RELB: variants seen among roughly 807,000 people sequenced by gnomAD.
The protein encoded by RELB is RELB proto-oncogene, NF-kB subunit, also known as transcription factor RelB.
Under a neutral mutation model 55.4 loss-of-function variants are expected in RELB, and 14 were observed. The ratio of observed to expected loss-of-function variants is 0.25; its 90% CI spans 0.17 to 0.40. The LOEUF (loss-of-function observed/expected upper bound fraction) is 0.40. Among genes scored for constraint, RELB ranks in the 10% least tolerant of loss-of-function variants. The pLI, the probability that RELB is intolerant of heterozygous loss-of-function variation, is 1.00. For synonymous variants in RELB, 409 were observed against 371.3 expected, an observed-to-expected ratio of 1.10 and a Z score of -1.17; for missense variants, 669 against 830.7, an observed-to-expected ratio of 0.81 and a Z score of 2.39.
intron 4 of RELB, among the ~76,000 whole-genome samples, chr19:45,014,239 G>A (rs116518981): frequency 0.1 from 15,160 of 147,830 alleles, 1,028 homozygotes; most frequent in East Asian, 0.24. Context: ...GCACAAGCAC[G>A]GCTCACTGCA....
At chr19:45,012,318 TC>T in intron 4 of RELB, 42 bp downstream of exon 4, 1 of 1,260,454 alleles carries the variant, frequency 7.9e-7, no homozygotes, top group Non-Finnish European at 1.0e-6. Context: ...GACTGGGGCT[TC>T]CCCTGCACCC....
At chr19:45,003,451 G>A in intron 2 of RELB, 1 of 452,534 alleles carries the variant, frequency 2.2e-6, no homozygotes, top group Non-Finnish European at 4.2e-6. Context: ...CTCCAGCCTG[G>A]GAGACAGAGC....
intron 5 of RELB, among the ~76,000 whole-genome samples, chr19:45,024,106 G>C (rs1477819299): frequency 6.6e-6 from 1 of 151,772 alleles, no homozygotes; most frequent in African/African-American, 2.4e-5. Flanking sequence ...CTCCCAAAGT[G>C]CTGGGATTAC....
chr19:45,012,296 C>A lies in RELB; in HGVS notation c.504+20C>A, dbSNP rs940295865. On this transcript the variant is annotated intron_variant, in intron 4 of 11. Transcript: ENST00000221452. ...ATCGAGGTGGGCCCGGCGAGCGGCCCCGGGCGGGTGGGACTGGGGCTTCCC... is the reference window on the plus strand; with the variant it reads ...ATCGAGGTGGGCCCGGCGAGCGGCCACGGGCGGGTGGGACTGGGGCTTCCC... The A allele has an allele frequency of 2.1e-5, 29 of 1,376,564 alleles. No homozygotes were observed. The highest frequency in any genetic ancestry group is 2.7e-5 in the Non-Finnish European group (29 of 1,070,452). 85.3% of individuals were successfully genotyped at this position (1,376,564 alleles called of 1,614,324 possible).
intron 8 of RELB, among the ~76,000 whole-genome samples, chr19:45,030,243 T>TGC (rs1305188858): frequency 3.3e-5 from 5 of 151,804 alleles, no homozygotes; most frequent in African/African-American, 1.2e-4. Flanking sequence ...GAGGCTGAGG[T>TGC]GGGAGGATCA....
intron 9 of RELB, 122 bp from the exon 10 acceptor site, chr19:45,034,122 G>C (rs1971658180): frequency 2.9e-6 from 2 of 685,558 alleles, no homozygotes; most frequent in Non-Finnish European, 4.6e-6. Flanking sequence ...CCGTGCCACT[G>C]CACTCCAGCC....
At chr19:45,034,217 T>C (rs1007293509) in intron 9 of RELB, 27 bp from the exon 10 acceptor site, 8 of 1,551,460 alleles carry the variant, frequency 5.2e-6, no homozygotes, top group African/African-American at 4.1e-5. Flanking sequence ...AATTACTTCT[T>C]GTGTGTCCCT....
At chr19:45,025,584 C>T (rs1395306409) in intron 6 of RELB, 22 bp from the exon 7 acceptor site, 2 of 1,613,652 alleles carry the variant, frequency 1.2e-6, no homozygotes, top group South Asian at 1.1e-5. Context: ...CACCCTCAGC[C>T]TCCCCATATC....
chr19:45,027,244 A>AG (rs1971569787), intron 7 of RELB, among the ~76,000 whole-genome samples: 1 of 151,830 alleles, frequency 6.6e-6, no homozygotes, highest in South Asian at 2.1e-4. Context: ...AAAAAAAAAA[A>AG]AAAGAATCCT....
intron 9 of RELB, 68 bp from the exon 10 acceptor site, chr19:45,034,171 TAAATA>T: frequency 1.8e-6 from 2 of 1,134,852 alleles, no homozygotes; most frequent in South Asian, 2.9e-5. Flanking sequence ...AATAAATAAA[TAAATA>T]AATAAATAAA....
chr19:45,031,092 C>T (rs765197968), intron 8 of RELB, among the ~76,000 whole-genome samples: 19 of 152,044 alleles, frequency 1.2e-4, no homozygotes, highest in Non-Finnish European at 2.2e-4. Flanking sequence ...ACTGTGATGA[C>T]GGGCGATGCA....
chr19:45,023,034 G>A (rs971218390), intron 5 of RELB, among the ~76,000 whole-genome samples: 2 of 152,134 alleles, frequency 1.3e-5, no homozygotes, highest in Middle Eastern at 3.2e-3. Flanking sequence ...AAGGCAGCAC[G>A]CACTTCAGAG....
intron 2 of RELB, chr19:45,008,506 T>C (rs1433795640): frequency 2.2e-6 from 1 of 456,244 alleles, no homozygotes; most frequent in Admixed American, 2.4e-5. Context: ...TTCAAGTGAC[T>C]TGAGGTTGGC....
chr19:45,007,576 G>A (rs1971297060), intron 2 of RELB, among the ~76,000 whole-genome samples: 1 of 152,136 alleles, frequency 6.6e-6, no homozygotes, highest in Non-Finnish European at 1.5e-5. Context: ...TCATGCCCAT[G>A]GCCAGGCGTG....
In RELB at chr19:45,025,364, A is replaced by G; in HGVS notation, c.698A>G (p.Lys233Arg). The G allele has an allele frequency of 6.2e-7, 1 of 1,612,880 alleles. No homozygotes were observed. Among genetic ancestry groups the G allele is most frequent in the South Asian group, 1.1e-5 (1 of 90,796 alleles). Residue 233 changes from lysine (K) to arginine (R), a missense_variant, in exon 6 of 12, where the codon AAG becomes AGG. By Grantham distance (26) the Lys-to-Arg change is conservative. Transcript: ENST00000221452. ...NNLGIQCVRK[K>R]EIEAAIERKI... ...CTGGGCATCCAGTGTGTGAGGAAGAAGGAGATTGAGGCTGCCATTGAGCGG... is the reference window on the plus strand; with the variant it reads ...CTGGGCATCCAGTGTGTGAGGAAGAGGGAGATTGAGGCTGCCATTGAGCGG...
intron 7 of RELB, among the ~76,000 whole-genome samples, chr19:45,027,501 A>G (rs2053869780): frequency 6.6e-6 from 1 of 152,038 alleles, no homozygotes; most frequent in South Asian, 2.1e-4. Flanking sequence ...CTCTTACCTA[A>G]TAGCTTTGCT....
chr19:45,037,839 G>A lies in RELB; in HGVS notation c.*49G>A. ...ACTGGGTGGGGAGGGAGGTGGAGGA[G>A]CCGTGCAATCCCAACCAGGATGTCT... On this transcript the variant is annotated 3_prime_UTR_variant, in exon 12 of 12. Coordinates refer to ENST00000221452, the MANE Select transcript of RELB (RefSeq NM_006509.4). 3.4e-6 allele frequency: 5 copies of A among 1,461,936 alleles called. No homozygotes were observed. In the Admixed American group the frequency reaches 1.0e-4, roughly 31 times the overall value. 90.6% of individuals were successfully genotyped at this position (1,461,936 alleles called of 1,614,324 possible).
Position 45,011,929 on chromosome 19 carries a change from C to A in RELB, c.164-7C>A. 6.7e-7 allele frequency: 1 copy of A among 1,497,198 alleles called. No homozygotes were observed. Among genetic ancestry groups the A allele is most frequent in the Non-Finnish European group, 8.9e-7 (1 of 1,126,966 alleles). The allele number at this position is 1,497,198 out of a possible 1,614,324, so 92.7% of individuals were successfully genotyped here. On this transcript the variant is annotated splice_polypyrimidine_tract_variant and splice_region_variant and intron_variant, in intron 3 of 11. Transcript: ENST00000221452. The stretch of plus-strand genomic sequence containing the variant: ...GGCGTCACCACCCGTTTTTTCTTCT[C>A]CCGCAGAGATCATCGACGAGTACAT...
chr19:45,006,502 C>A (rs34916003), intron 2 of RELB, among the ~76,000 whole-genome samples: 4 of 151,882 alleles, frequency 2.6e-5, no homozygotes, highest in African/African-American at 9.7e-5. Flanking sequence ...CTGTGCCCAG[C>A]GAGAAAATCC....
Sources: gnomAD v4.1 joint callset for allele counts (sites outside exome capture counted in the v4.1 genomes callset) on GRCh38, gnomAD v4.1.1 for gene constraint, MANE v1.5 for transcripts, NCBI Gene and HGNC (gene_info 2026-07-23, HGNC 2026-07-21) for gene names.